Variants in GLIS3 observed in about 807,000 individuals in gnomAD.
GLIS3 encodes the protein GLIS family zinc finger 3.
GLIS3 carries 53 observed loss-of-function variants against 78.6 expected under a neutral mutation model. That is an observed-to-expected ratio of 0.67 (90% confidence interval 0.54 to 0.85). The LOEUF is 0.85. Among genes scored for constraint, GLIS3 ranks in the 40% least tolerant of loss-of-function variants. GLIS3 has a pLI of 0.00. For missense variants in GLIS3, 1,703 were observed against 1,231.1 expected, an observed-to-expected ratio of 1.38 and a Z score of -5.74; for synonymous variants, 684 against 509.9, an observed-to-expected ratio of 1.34 and a Z score of -4.60.
intron 4 of GLIS3, among the ~76,000 whole-genome samples, chr9:4,093,429 G>T (rs954542034): frequency 1.4e-4 from 22 of 152,198 alleles, no homozygotes; most frequent in African/African-American, 5.3e-4. Context: ...CAGACTCAGA[G>T]ACTCGGTACT....
rs902954049 is a variant in GLIS3 at position 3,936,859 on chromosome 9, CAAAT to C, written c.1872+165_1872+168del. ...TGCTGCTACAGAAAAATGAAACAGC[CAAAT>C]AAATAGGGCCCCATCTGGCCTTTTA... On this transcript the variant is annotated intron_variant, in intron 5 of 10. Coordinates refer to ENST00000381971, the MANE Select transcript of GLIS3 (RefSeq NM_001042413.2). Among the ~76,000 whole-genome samples the C allele has an allele frequency of 1.8e-4, 28 of 152,158 alleles. 1 individual carries two copies. The highest frequency in any genetic ancestry group is 6.0e-4 in the African/African-American group (25 of 41,434).
At chr9:4,323,029 A>T (rs1332850103) in intron 2 of GLIS3, among the ~76,000 whole-genome samples, 1 of 152,112 alleles carries the variant, frequency 6.6e-6, no homozygotes, top group East Asian at 1.9e-4. Flanking sequence ...TTCTTCTCTA[A>T]AGTCTTTATG....
chr9:4,400,629 C>T, the GLIS3 span, among the ~76,000 whole-genome samples: 1 of 152,328 alleles, frequency 6.6e-6, no homozygotes, highest in African/African-American at 2.4e-5. Flanking sequence ...TCCCTTACTT[C>T]TCTTACACAA....
intron 2 of GLIS3, among the ~76,000 whole-genome samples, chr9:4,228,445 T>C (rs1020219345): frequency 6.6e-6 from 1 of 152,178 alleles, no homozygotes; most frequent in African/African-American, 2.4e-5. Context: ...ACCAAATTTC[T>C]ACCACGATAA....
In GLIS3 at chr9:4,334,985, C is replaced by T. The variant is rs543412617; in HGVS notation, n.264+12096G>A. ...GTGCAGTGGTGTGATCTCGGCTCAC[C>T]GCAAGCTCCACCTCCCGGGTTCATG... On this transcript the variant is annotated intron_variant and non_coding_transcript_variant, in intron 2 of 4. Coordinates refer to the GLIS3 transcript ENST00000471664. Among the ~76,000 whole-genome samples, 433 of 149,306 alleles carry T rather than the reference C, an allele frequency of 2.9e-3. 2 individuals are homozygous for T. Among genetic ancestry groups the T allele is most frequent in the African/African-American group, 0.01 (406 of 40,002 alleles).
At chr9:4,100,445 GA>G (rs1830284397) in intron 4 of GLIS3, among the ~76,000 whole-genome samples, 1 of 152,106 alleles carries the variant, frequency 6.6e-6, no homozygotes, top group Non-Finnish European at 1.5e-5. Flanking sequence ...AAACAAAGGG[GA>G]AAAAAGCTCA....
the GLIS3 span, among the ~76,000 whole-genome samples, chr9:4,440,295 T>C: frequency 2.6e-5 from 4 of 152,216 alleles, no homozygotes; most frequent in Non-Finnish European, 4.4e-5. Context: ...ATTTCTCCAA[T>C]GTTTTCTTAT....
At chr9:3,951,876 A>ACACACACG (rs1816712810) in intron 4 of GLIS3, among the ~76,000 whole-genome samples, 1 of 149,558 alleles carries the variant, frequency 6.7e-6, no homozygotes, top group Admixed American at 6.7e-5. Flanking sequence ...ACACACACAC[A>ACACACACG]CACACACACG....
At chr9:4,455,061 T>C in the GLIS3 span, among the ~76,000 whole-genome samples, 3 of 152,186 alleles carry the variant, frequency 2.0e-5, no homozygotes, top group African/African-American at 4.8e-5. Flanking sequence ...CCTGGGTGGA[T>C]AGGGCAAAGT....
upstream of GLIS3, among the ~76,000 whole-genome samples, chr9:4,301,828 C>G (rs935474069): frequency 2.6e-5 from 4 of 152,118 alleles, no homozygotes; most frequent in East Asian, 5.8e-4. Context: ...GAAAAAAACA[C>G]TGGGAAAGTT....
At chr9:4,489,391 C>A in the GLIS3 span, among the ~76,000 whole-genome samples, 1 of 152,110 alleles carries the variant, frequency 6.6e-6, no homozygotes, top group Non-Finnish European at 1.5e-5. Context: ...ATCAGAAAAT[C>A]TAGTAGGGGA....
At chr9:4,030,755 T>G (rs1823768882) in intron 4 of GLIS3, among the ~76,000 whole-genome samples, 2 of 152,202 alleles carry the variant, frequency 1.3e-5, no homozygotes, top group Non-Finnish European at 2.9e-5. Context: ...TTCACATAAC[T>G]CGCTGAGAGG....
At chr9:4,124,525 C>G (rs941231149) in intron 3 of GLIS3, among the ~76,000 whole-genome samples, 8 of 152,216 alleles carry the variant, frequency 5.3e-5, no homozygotes, top group Admixed American at 4.6e-4. Context: ...ACATGCAGCA[C>G]TCAGCAAGTC....
At chr9:3,937,286 C>T in intron 4 of GLIS3, 97 bp from the exon 5 acceptor site, 1 of 1,214,840 alleles carries the variant, frequency 8.2e-7, no homozygotes, top group Non-Finnish European at 1.2e-6. Context: ...TGGTACTTTG[C>T]CGAAAATGAT....
intron 8 of GLIS3, among the ~76,000 whole-genome samples, chr9:3,875,127 C>T (rs1821230007): frequency 6.6e-6 from 1 of 152,224 alleles, no homozygotes; most frequent in Non-Finnish European, 1.5e-5. Context: ...ATTGAATTAA[C>T]ATTTCCAAAG....
At chr9:3,840,589 G>A (rs557204402) in intron 9 of GLIS3, among the ~76,000 whole-genome samples, 101 of 152,196 alleles carry the variant, frequency 6.6e-4, no homozygotes, top group Non-Finnish European at 8.1e-4. Flanking sequence ...TAAGAAAGAG[G>A]AAGATAATGG....
At chr9:4,023,554 T>C (rs1020149754) in intron 4 of GLIS3, among the ~76,000 whole-genome samples, 4 of 152,192 alleles carry the variant, frequency 2.6e-5, no homozygotes, top group African/African-American at 9.7e-5. Context: ...AAAATCCTTT[T>C]CGTGTTAAGA....
At chr9:4,015,033 C>T (rs952676757) in intron 4 of GLIS3, among the ~76,000 whole-genome samples, 10 of 152,152 alleles carry the variant, frequency 6.6e-5, no homozygotes, top group Non-Finnish European at 1.5e-4. Context: ...ATTATTTACA[C>T]AACCAAATAT....
chr9:3,832,693 T>C (rs1387871763), intron 9 of GLIS3, among the ~76,000 whole-genome samples: 3 of 152,232 alleles, frequency 2.0e-5, no homozygotes, highest in Non-Finnish European at 2.9e-5. Context: ...TAAACCGCCA[T>C]GGTTGGTCTA....
Sources: allele counts gnomAD v4.1 joint callset (sites outside exome capture counted in the v4.1 genomes callset), GRCh38; gene constraint gnomAD v4.1.1; transcripts MANE v1.5; gene names NCBI Gene and HGNC (gene_info 2026-07-23, HGNC 2026-07-21).